OXR1: variants seen among roughly 807,000 people sequenced by gnomAD.
OXR1 encodes the protein oxidation resistance protein 1.
Under a neutral mutation model 104.6 loss-of-function variants are expected in OXR1, and 41 were observed. The observed-to-expected ratio is 0.39, with a 90% CI of 0.31 to 0.51. The LOEUF is 0.51. Among genes scored for constraint, OXR1 ranks in the 20% least tolerant of loss-of-function variants. The pLI is 0.77. For missense variants in OXR1, 955 were observed against 1,031.9 expected (o/e 0.93, Z 1.02); for synonymous variants, 348 against 348.4 (o/e 1.00, Z 0.01).
chr8:106,347,373 C>T (rs759423856), intron 1 of OXR1, among the ~76,000 whole-genome samples: 4 of 152,264 alleles, frequency 2.6e-5, no homozygotes, highest in South Asian at 2.1e-4. Context: ...TGGTTATCAC[C>T]GGAGAAGGTC....
At chr8:106,510,275 T>C (rs887184351) in intron 2 of OXR1, among the ~76,000 whole-genome samples, 7 of 152,208 alleles carry the variant, frequency 4.6e-5, no homozygotes, top group African/African-American at 1.7e-4. Context: ...CCTAAGTGCC[T>C]ACTCTATGAC....
chr8:106,364,438 T>A (rs1264053605), intron 2 of OXR1, among the ~76,000 whole-genome samples: 4 of 151,820 alleles, frequency 2.6e-5, no homozygotes, highest in Non-Finnish European at 5.9e-5. Flanking sequence ...AAAATTTGCA[T>A]GGATGGTGGC....
chr8:106,287,684 A>G (rs1812557339), intron 1 of OXR1, among the ~76,000 whole-genome samples: 1 of 152,202 alleles, frequency 6.6e-6, no homozygotes, highest in South Asian at 2.1e-4. Flanking sequence ...TGCAAAAGAA[A>G]GTAGCATGAG....
intron 1 of OXR1, among the ~76,000 whole-genome samples, chr8:106,316,470 A>C (rs1194082480): frequency 6.6e-6 from 1 of 152,134 alleles, no homozygotes; most frequent in African/African-American, 2.4e-5. Context: ...CCATCTTCTT[A>C]CCTCTGTTGG....
At chr8:106,511,107 C>T (rs1211137177) in intron 2 of OXR1, among the ~76,000 whole-genome samples, 1 of 152,132 alleles carries the variant, frequency 6.6e-6, no homozygotes, top group African/African-American at 2.4e-5. Context: ...TCTTTTAAAG[C>T]ATAAGTTTCC....
chr8:106,282,302 C>A (rs558037304), intron 1 of OXR1, among the ~76,000 whole-genome samples: 15 of 152,268 alleles, frequency 9.9e-5, no homozygotes, highest in African/African-American at 3.6e-4. Context: ...GTAGAAGTCA[C>A]AGAGAATATA....
chr8:106,350,632 T>A (rs1023105788), intron 1 of OXR1, among the ~76,000 whole-genome samples: 2 of 152,218 alleles, frequency 1.3e-5, no homozygotes, highest in African/African-American at 4.8e-5. Flanking sequence ...TCTGTGCTGA[T>A]CTGAAGTTTT....
intron 3 of OXR1, among the ~76,000 whole-genome samples, chr8:106,540,670 A>T (rs974329619): frequency 1.3e-5 from 2 of 152,188 alleles, no homozygotes; most frequent in Non-Finnish European, 2.9e-5. Flanking sequence ...TTTACAAAGG[A>T]AAGAAGTTTA....
intron 2 of OXR1, among the ~76,000 whole-genome samples, chr8:106,363,309 G>A (rs910846379): frequency 6.6e-6 from 1 of 152,166 alleles, no homozygotes; most frequent in African/African-American, 2.4e-5. Context: ...AAGATAAAAG[G>A]TACGTGCAGA....
At chr8:106,696,281 C>A (rs1830022546) in intron 7 of OXR1, among the ~76,000 whole-genome samples, 1 of 152,144 alleles carries the variant, frequency 6.6e-6, no homozygotes, top group African/African-American at 2.4e-5. Flanking sequence ...TAAGATTCCT[C>A]CATGTCTTTT....
intron 3 of OXR1, chr8:106,522,881 T>G (rs999142390): frequency 2.6e-5 from 4 of 152,334 alleles, no homozygotes; most frequent in South Asian, 2.1e-4. Context: ...TAACACCGAT[T>G]TATGAACTCA....
chr8:106,509,045 C>A (rs1812355311), intron 2 of OXR1, among the ~76,000 whole-genome samples: 1 of 152,130 alleles, frequency 6.6e-6, no homozygotes, highest in African/African-American at 2.4e-5. Flanking sequence ...AGCCTAAAGT[C>A]TTAAAATAGT....
At chr8:106,655,241 G>A (rs1824949185) in intron 3 of OXR1, among the ~76,000 whole-genome samples, 1 of 151,940 alleles carries the variant, frequency 6.6e-6, no homozygotes, top group Non-Finnish European at 1.5e-5. Context: ...ACCCTGAATT[G>A]TTATCAGGTG....
intron 2 of OXR1, among the ~76,000 whole-genome samples, chr8:106,447,440 A>G (rs1204209948): frequency 6.6e-6 from 1 of 152,178 alleles, no homozygotes; most frequent in Non-Finnish European, 1.5e-5. Context: ...CTTACTAGTT[A>G]TGTAACCGTG....
At chr8:106,595,021 A>G (rs989219802) in intron 3 of OXR1, among the ~76,000 whole-genome samples, 16 of 152,206 alleles carry the variant, frequency 1.1e-4, no homozygotes, top group African/African-American at 3.9e-4. Flanking sequence ...ATTTTTATGA[A>G]ACACTTTCTA....
chr8:106,285,075 G>A (rs779262953), intron 1 of OXR1, among the ~76,000 whole-genome samples: 3 of 151,926 alleles, frequency 2.0e-5, no homozygotes, highest in East Asian at 1.9e-4. Flanking sequence ...CCATTAACTC[G>A]TCATTTACAT....
intron 3 of OXR1, among the ~76,000 whole-genome samples, chr8:106,600,764 T>A (rs1024737211): frequency 6.6e-6 from 1 of 152,170 alleles, no homozygotes; most frequent in East Asian, 1.9e-4. Context: ...GCTCATGTCA[T>A]ATAGGCTGAT....
chr8:106,652,708 G>T (rs1195791196), intron 3 of OXR1, among the ~76,000 whole-genome samples: 1 of 151,508 alleles, frequency 6.6e-6, no homozygotes, highest in Non-Finnish European at 1.5e-5. Context: ...AGGGAGGTTG[G>T]GGGGCGGCGG....
At chr8:106,372,112 G>A (rs1816731592) in intron 2 of OXR1, among the ~76,000 whole-genome samples, 2 of 152,228 alleles carry the variant, frequency 1.3e-5, no homozygotes. Flanking sequence ...GTAAGAATCT[G>A]CCTGTTCCAG....
Sources: gnomAD v4.1 joint callset for allele counts (sites outside exome capture counted in the v4.1 genomes callset) on GRCh38, gnomAD v4.1.1 for gene constraint, MANE v1.5 for transcripts, NCBI Gene and HGNC (gene_info 2026-07-23, HGNC 2026-07-21) for gene names.